Variants in SLC41A2 observed in about 807,000 individuals in gnomAD.
SLC41A2 encodes solute carrier family 41 member 2.
In SLC41A2, 32 loss-of-function variants were observed where a neutral mutation model predicts 58.3. That is an observed-to-expected ratio of 0.55 (90% CI 0.41 to 0.74). The LOEUF (loss-of-function observed/expected upper bound fraction) is 0.74. Ranked by LOEUF, SLC41A2 falls within the 30% of genes least tolerant of loss-of-function variation. The pLI, the probability that SLC41A2 is intolerant of heterozygous loss-of-function variation, is 0.00. For missense variants in SLC41A2, 514 were observed against 680.6 expected, an observed-to-expected ratio of 0.76 and a Z score of 2.72; for synonymous variants, 190 against 235.0, an observed-to-expected ratio of 0.81 and a Z score of 1.75.
chr12:104,852,244 A>G (rs982949662), intron 8 of SLC41A2, among the ~76,000 whole-genome samples: 10 of 152,252 alleles, frequency 6.6e-5, no homozygotes, highest in African/African-American at 2.2e-4. Context: ...ACGTTTTTCA[A>G]TGATGGATAT....
At chr12:104,851,637 C>T (rs912248843) in intron 8 of SLC41A2, among the ~76,000 whole-genome samples, 1 of 152,152 alleles carries the variant, frequency 6.6e-6, no homozygotes, top group Non-Finnish European at 1.5e-5. Context: ...ATCCTCCTGC[C>T]TAGGCCTCCC....
chr12:104,832,203 C>G (rs2042061674), intron 10 of SLC41A2, among the ~76,000 whole-genome samples: 1 of 152,178 alleles, frequency 6.6e-6, no homozygotes, highest in Non-Finnish European at 1.5e-5. Flanking sequence ...CACCCATGAC[C>G]ATTAGAACAA....
intron 1 of SLC41A2, among the ~76,000 whole-genome samples, chr12:104,940,303 A>G (rs2047453966): frequency 6.6e-6 from 1 of 150,912 alleles, no homozygotes; most frequent in South Asian, 2.1e-4. Flanking sequence ...TGAGCCACCG[A>G]GCCCAGCCTT....
chr12:104,883,051 T>C (rs1421543387), intron 6 of SLC41A2, among the ~76,000 whole-genome samples: 1 of 152,192 alleles, frequency 6.6e-6, no homozygotes, highest in African/African-American at 2.4e-5. Context: ...CTTCTCTTCT[T>C]GCTTCATTTC....
intron 6 of SLC41A2, among the ~76,000 whole-genome samples, chr12:104,881,262 A>G (rs1013564871): frequency 1.3e-5 from 2 of 152,098 alleles, no homozygotes; most frequent in Non-Finnish European, 2.9e-5. Context: ...TTTTCAAAAA[A>G]CCAGCTCCTG....
chr12:104,885,410 G>C (rs2044607109), intron 6 of SLC41A2, among the ~76,000 whole-genome samples: 1 of 152,106 alleles, frequency 6.6e-6, no homozygotes, highest in Non-Finnish European at 1.5e-5. Flanking sequence ...ACATATATCT[G>C]AGACCCTTAC....
At chr12:104,893,207 A>AT (rs1363631923) in intron 4 of SLC41A2, among the ~76,000 whole-genome samples, 1 of 152,210 alleles carries the variant, frequency 6.6e-6, no homozygotes, top group Non-Finnish European at 1.5e-5. Flanking sequence ...CTGAATAGGC[A>AT]TTTCTCAAAA....
chr12:104,954,784 T>C (rs2048087728), intron 1 of SLC41A2, among the ~76,000 whole-genome samples: 1 of 152,228 alleles, frequency 6.6e-6, no homozygotes, highest in African/African-American at 2.4e-5. Flanking sequence ...ACATGCTTTT[T>C]ATCAGTTGCT....
chr12:104,910,072 G>A (rs574627328), intron 2 of SLC41A2, among the ~76,000 whole-genome samples: 29 of 152,240 alleles, frequency 1.9e-4, no homozygotes, highest in Non-Finnish European at 3.1e-4. Flanking sequence ...GATGACAATC[G>A]TTAGACTGGC....
intron 8 of SLC41A2, among the ~76,000 whole-genome samples, chr12:104,858,886 C>G (rs1326907717): frequency 1.3e-5 from 2 of 152,116 alleles, no homozygotes; most frequent in Non-Finnish European, 2.9e-5. Flanking sequence ...CAGTGAAGCT[C>G]TAGAATTGTT....
intron 6 of SLC41A2, among the ~76,000 whole-genome samples, chr12:104,883,701 C>T (rs553909255): frequency 6.6e-6 from 1 of 152,330 alleles, no homozygotes; most frequent in East Asian, 1.9e-4. Flanking sequence ...CCTGATCCTT[C>T]CTCTGGAAGT....
At chr12:104,878,891 G>A in intron 6 of SLC41A2, among the ~76,000 whole-genome samples, 1 of 152,190 alleles carries the variant, frequency 6.6e-6, no homozygotes, top group Non-Finnish European at 1.5e-5. Flanking sequence ...TCGCCACACT[G>A]TCTTCCACAA....
intron 10 of SLC41A2, among the ~76,000 whole-genome samples, chr12:104,843,294 C>T (rs947998211): frequency 2.6e-5 from 4 of 151,804 alleles, no homozygotes; most frequent in African/African-American, 9.7e-5. Context: ...GCCATCCCTC[C>T]ATCTAGTAGC....
intron 1 of SLC41A2, among the ~76,000 whole-genome samples, chr12:104,953,758 C>A (rs2048043188): frequency 6.6e-6 from 1 of 152,100 alleles, no homozygotes; most frequent in Non-Finnish European, 1.5e-5. Flanking sequence ...TATTTAAATT[C>A]TTATCTGGCT....
chr12:104,924,961 A>G (rs2046771843), intron 2 of SLC41A2, among the ~76,000 whole-genome samples: 1 of 152,162 alleles, frequency 6.6e-6, no homozygotes, highest in Non-Finnish European at 1.5e-5. Flanking sequence ...AAAAGAGTCA[A>G]GTAAAACCAA....
intron 10 of SLC41A2, among the ~76,000 whole-genome samples, chr12:104,828,515 T>C (rs2041929754): frequency 6.6e-6 from 1 of 152,132 alleles, no homozygotes; most frequent in Non-Finnish European, 1.5e-5. Flanking sequence ...ACACGCCCAC[T>C]GGTGCTTCAG....
chr12:104,845,086 C>A (rs1312019806), intron 9 of SLC41A2, among the ~76,000 whole-genome samples: 1 of 151,908 alleles, frequency 6.6e-6, no homozygotes, highest in Non-Finnish European at 1.5e-5. Flanking sequence ...GAGTTCAAGA[C>A]CAGCCTGGGC....
At position 104,848,503 on chromosome 12, in the gene SLC41A2, A is replaced by C. The variant is rs938901907; in HGVS notation, c.1256-2529T>G. Among the ~76,000 whole-genome samples the C allele has an allele frequency of 1.1e-3, 163 of 152,248 alleles. 1 individual carries two copies. The highest frequency in any genetic ancestry group is 3.8e-3 in the African/African-American group (157 of 41,576). Reference sequence around the variant, plus strand: ...GAAAATAAAAACAGCAGAGAAAAATAAATGAAACAAAAAGCTGCTTCTTTG... The same window carrying C: ...GAAAATAAAAACAGCAGAGAAAAATCAATGAAACAAAAAGCTGCTTCTTTG... On this transcript the variant is annotated intron_variant, in intron 8 of 10. Coordinates refer to ENST00000258538, the MANE Select transcript of SLC41A2 (RefSeq NM_001352171.3).
At chr12:104,909,962 T>C (rs1033535431) in intron 2 of SLC41A2, among the ~76,000 whole-genome samples, 200 bp from the exon 3 acceptor site, 5 of 152,160 alleles carry the variant, frequency 3.3e-5, no homozygotes, top group African/African-American at 1.2e-4. Flanking sequence ...TAAAAGATGC[T>C]GTTAGAGTTG....
Sources: allele counts gnomAD v4.1 joint callset (sites outside exome capture counted in the v4.1 genomes callset), GRCh38; gene constraint gnomAD v4.1.1; transcripts MANE v1.5; gene names NCBI Gene and HGNC (gene_info 2026-07-23, HGNC 2026-07-21).